The following PARD3 variants were observed in gnomAD, a reference collection of about 807,000 sequenced individuals.
PARD3 encodes the protein partitioning defective 3 homolog.
Under a neutral mutation model 155.4 loss-of-function variants are expected in PARD3, and 75 were observed. The observed-to-expected ratio is 0.48, with a 90% confidence interval of 0.40 to 0.58. PARD3 has a LOEUF of 0.58. PARD3 is among the 20% of genes least tolerant of loss of function. The probability of loss-of-function intolerance (pLI) is 0.00; values close to 1 mark genes in which losing one functional copy is unlikely to be tolerated. For synonymous variants in PARD3, 576 were observed against 610.5 expected (o/e 0.94, Z 0.83); for missense variants, 1,642 against 1,721.7 (o/e 0.95, Z 0.82).
At chr10:34,482,994 C>CAA (rs11362384) in intron 3 of PARD3, among the ~76,000 whole-genome samples, 11 of 142,988 alleles carry the variant, frequency 7.7e-5, no homozygotes, top group African/African-American at 2.5e-4. Flanking sequence ...ACTAAAAATA[C>CAA]AAAAAAAAAA....
intron 2 of PARD3, among the ~76,000 whole-genome samples, chr10:34,544,938 A>C (rs2083924247): frequency 6.6e-6 from 1 of 152,180 alleles, no homozygotes; most frequent in African/African-American, 2.4e-5. Flanking sequence ...CCACTACTAC[A>C]AGCCACAGGC....
chr10:34,269,111 C>T (rs1955487356), intron 22 of PARD3, among the ~76,000 whole-genome samples: 1 of 152,116 alleles, frequency 6.6e-6, no homozygotes, highest in South Asian at 2.1e-4. Flanking sequence ...TAACATTGCA[C>T]TCCTGTGTGC....
intron 2 of PARD3, among the ~76,000 whole-genome samples, chr10:34,684,812 CACACACACACACACACACAT>C (rs1318250692): frequency 8.2e-6 from 1 of 122,696 alleles, no homozygotes; most frequent in African/African-American, 3.6e-5. Context: ...CACACACACA[CACACACACACACACACACAT>C]ATATACACAC....
intron 22 of PARD3, among the ~76,000 whole-genome samples, chr10:34,184,343 A>G (rs1229420122): frequency 6.6e-6 from 1 of 151,826 alleles, no homozygotes; most frequent in Non-Finnish European, 1.5e-5. Context: ...ATTCCACTCA[A>G]CCTCTTCAGC....
At position 34,413,508 on chromosome 10, in the gene PARD3, T is replaced by A. The variant is rs1386889672; in HGVS notation, c.715-11591A>T. The stretch of plus-strand genomic sequence containing the variant: ...TTGACTACCAGATACTATTTCCTAT[T>A]CAAAACCCTGAATCTGTCATTAGGC... On this transcript the variant is annotated intron_variant, in intron 5 of 24. Transcript: ENST00000374788. Among the ~76,000 whole-genome samples, 5 of 151,976 alleles carry A rather than the reference T, an allele frequency of 3.3e-5. No homozygotes were observed. The East Asian group carries it at 9.7e-4, about 29-fold the overall frequency.
intron 1 of PARD3, among the ~76,000 whole-genome samples, chr10:34,734,307 C>A (rs914854558): frequency 7.3e-6 from 1 of 136,542 alleles, no homozygotes; most frequent in African/African-American, 2.7e-5. Flanking sequence ...ACACATATAA[C>A]AAATATATGG....
intron 21 of PARD3, among the ~76,000 whole-genome samples, chr10:34,275,544 G>C (rs1025009658): frequency 6.6e-6 from 1 of 152,108 alleles, no homozygotes; most frequent in Non-Finnish European, 1.5e-5. Flanking sequence ...ATTAACAAAA[G>C]ACACAAATGA....
rs140566244 is a variant in PARD3 at position 34,538,256 on chromosome 10, T to G, written c.223-21097A>C. Among the ~76,000 whole-genome samples the G allele has an allele frequency of 4.6e-5, 7 of 152,300 alleles. No homozygotes were observed. The East Asian group carries it at 1.4e-3, about 29-fold the overall frequency. ...AGTTAGGGTTCCTAGCATCAAATAT[T>G]CCATGTGAGATCTTAAAAACAACAG... On this transcript the variant is annotated intron_variant, in intron 2 of 24. Transcript: ENST00000374788.
chr10:34,248,254 G>T (rs1588927008), intron 22 of PARD3, among the ~76,000 whole-genome samples: 3 of 152,130 alleles, frequency 2.0e-5, no homozygotes, highest in Middle Eastern at 3.4e-3. Flanking sequence ...TGTCCATATG[G>T]TAAAAAAAAA....
intron 4 of PARD3, among the ~76,000 whole-genome samples, chr10:34,464,406 C>T (rs1316291531): frequency 6.6e-6 from 1 of 152,154 alleles, no homozygotes; most frequent in Non-Finnish European, 1.5e-5. Flanking sequence ...GCATTTTATA[C>T]ATCCTAACTA....
intron 7 of PARD3, among the ~76,000 whole-genome samples, chr10:34,388,804 T>G (rs1842599948): frequency 6.6e-6 from 1 of 152,106 alleles, no homozygotes; most frequent in Non-Finnish European, 1.5e-5. Context: ...AAGAGGTAGG[T>G]GTCAGGAAAG....
intron 1 of PARD3, among the ~76,000 whole-genome samples, chr10:34,770,464 G>A (rs770213313): frequency 1.3e-5 from 2 of 152,216 alleles, no homozygotes; most frequent in African/African-American, 2.4e-5. Context: ...ATGTGATGAA[G>A]TAACTTGCTC....
intron 22 of PARD3, among the ~76,000 whole-genome samples, chr10:34,268,582 G>A (rs1449887907): frequency 6.6e-6 from 1 of 152,118 alleles, no homozygotes; most frequent in East Asian, 1.9e-4. Flanking sequence ...TACATACCAT[G>A]GAATACTATG....
At chr10:34,564,459 G>C (rs996455615) in intron 2 of PARD3, among the ~76,000 whole-genome samples, 1 of 152,116 alleles carries the variant, frequency 6.6e-6, no homozygotes, top group Non-Finnish European at 1.5e-5. Flanking sequence ...TTAGAAAAAG[G>C]CAAAAGACAC....
intron 2 of PARD3, among the ~76,000 whole-genome samples, chr10:34,670,858 T>A (rs2093598104): frequency 6.6e-6 from 1 of 152,184 alleles, no homozygotes; most frequent in South Asian, 2.1e-4. Context: ...GGAACTTGGA[T>A]CATCATCAAC....
chr10:34,366,832 T>G (rs1203067383), intron 12 of PARD3, among the ~76,000 whole-genome samples: 1 of 152,162 alleles, frequency 6.6e-6, no homozygotes, highest in Non-Finnish European at 1.5e-5. Flanking sequence ...CTCCAAAATT[T>G]CCTTAAGTTC....
intron 7 of PARD3, among the ~76,000 whole-genome samples, chr10:34,389,962 G>T (rs1842724982): frequency 6.6e-6 from 1 of 152,148 alleles, no homozygotes; most frequent in Non-Finnish European, 1.5e-5. Flanking sequence ...CATGATTCAT[G>T]TAAGTGTAAA....
chr10:34,300,562 T>C (rs1957099001), intron 20 of PARD3, among the ~76,000 whole-genome samples: 2 of 151,848 alleles, frequency 1.3e-5, no homozygotes, highest in South Asian at 2.1e-4. Context: ...GGCAGGAGGC[T>C]GCAGTGAGCC....
intron 2 of PARD3, among the ~76,000 whole-genome samples, chr10:34,638,930 A>G (rs966698044): frequency 3.3e-5 from 5 of 152,224 alleles, no homozygotes; most frequent in African/African-American, 1.2e-4. Flanking sequence ...TTCTTTCACA[A>G]TTCTTAGAAG....
Sources: allele counts gnomAD v4.1 joint callset (sites outside exome capture counted in the v4.1 genomes callset), GRCh38; gene constraint gnomAD v4.1.1; transcripts MANE v1.5; gene names NCBI Gene and HGNC (gene_info 2026-07-23, HGNC 2026-07-21).